Variants in OR1J2 observed in about 807,000 individuals in gnomAD.
The protein encoded by OR1J2 is olfactory receptor 1J2.
For synonymous variants in OR1J2, 142 were observed against 99.7 expected (o/e 1.42, Z -2.52); for missense variants, 304 against 246.1 (o/e 1.24, Z -1.57).
upstream of OR1J2, among the ~76,000 whole-genome samples, chr9:122,506,510 T>C (rs911866843): frequency 6.6e-6 from 1 of 152,154 alleles, no homozygotes; most frequent in African/African-American, 2.4e-5. Context: ...GTCTGAGAAA[T>C]GTCTAGAATC....
At chr9:122,463,699 C>T in the OR1J2 span, among the ~76,000 whole-genome samples, 1 of 152,266 alleles carries the variant, frequency 6.6e-6, no homozygotes, top group Non-Finnish European at 1.5e-5. Flanking sequence ...TGTTTCTCTT[C>T]TCAATCTAGC....
chr9:122,526,687 T>C, the OR1J2 span: 6 of 1,614,138 alleles, frequency 3.7e-6, no homozygotes, highest in South Asian at 6.6e-5. Flanking sequence ...ATGAGTACGG[T>C]GCCTCCCAAG....
downstream of OR1J2, among the ~76,000 whole-genome samples, chr9:122,512,178 C>G (rs187131113): frequency 6.6e-6 from 1 of 152,280 alleles, no homozygotes; most frequent in East Asian, 1.9e-4. Flanking sequence ...ATACCAGTCT[C>G]CTTGGAAATA....
chr9:122,539,356 C>A, the OR1J2 span, among the ~76,000 whole-genome samples: 1 of 151,980 alleles, frequency 6.6e-6, no homozygotes, highest in Non-Finnish European at 1.5e-5. Context: ...TGAGTGAGAA[C>A]ATGCGGTGTT....
chr9:122,501,126 G>T, the OR1J2 span, among the ~76,000 whole-genome samples: 1 of 152,178 alleles, frequency 6.6e-6, no homozygotes, highest in Admixed American at 6.5e-5. Context: ...ATATTTTGCT[G>T]TTGGGATTAG....
At chr9:122,553,420 CA>C in the OR1J2 span, 1 of 1,614,150 alleles carries the variant, frequency 6.2e-7, no homozygotes, top group South Asian at 1.1e-5. Context: ...GCCAACCTGT[CA>C]TTAACTGATG....
the OR1J2 span, chr9:122,527,410 T>C: frequency 3.2e-6 from 2 of 628,754 alleles, no homozygotes; most frequent in Non-Finnish European, 5.6e-6. Flanking sequence ...ATCCTGACTT[T>C]ATCTTCATTC....
chr9:122,447,445 T>C, the OR1J2 span: 1 of 152,244 alleles, frequency 6.6e-6, no homozygotes, highest in East Asian at 1.9e-4. Context: ...TTACTGGGCA[T>C]GGAGTCATCT....
chr9:122,473,746 A>G, the OR1J2 span, among the ~76,000 whole-genome samples: 26 of 152,300 alleles, frequency 1.7e-4, no homozygotes, highest in African/African-American at 6.3e-4. Flanking sequence ...ATGAGTTACC[A>G]GGTGGGCATG....
chr9:122,471,117 G>C, the OR1J2 span, among the ~76,000 whole-genome samples: 1 of 151,908 alleles, frequency 6.6e-6, no homozygotes, highest in African/African-American at 2.4e-5. Context: ...ATGAGATTTG[G>C]AGGGGCCAGG....
chr9:122,571,998 T>C, the OR1J2 span, among the ~76,000 whole-genome samples: 1 of 152,188 alleles, frequency 6.6e-6, no homozygotes, highest in Admixed American at 6.5e-5. Flanking sequence ...TTTCTGATTC[T>C]GGGGAGGCCT....
chr9:122,470,546 C>T, the OR1J2 span, among the ~76,000 whole-genome samples: 9 of 152,274 alleles, frequency 5.9e-5, no homozygotes, highest in Middle Eastern at 3.4e-3. Context: ...ACACAGAGTC[C>T]CTACTGGGGC....
Position 122,511,709 on chromosome 9 carries a change from A to G in OR1J2, c.908A>G (p.Lys303Arg), listed in dbSNP as rs1828641527. ...AGGGACATGAAAGAGGCCCTTGGGA[A>G]ACTCTTCAGTAGAGCAACATTTTTC... Reference protein sequence around the residue: ...RNRDMKEALGKLFSRATFFSW With the variant: ...RNRDMKEALGRLFSRATFFSW Residue 303 changes from lysine to arginine, a missense_variant, in exon 1 of 1, where the codon AAA becomes AGA. Coordinates refer to ENST00000335302, the MANE Select transcript of OR1J2 (RefSeq NM_054107.1). 1 of 780,898 alleles carries G rather than the reference A, an allele frequency of 1.3e-6. No homozygotes were observed. The highest frequency in any genetic ancestry group is 1.7e-5 in the African/African-American group (1 of 59,124). 48.4% of individuals were successfully genotyped at this position (780,898 alleles called of 1,614,324 possible).
chr9:122,470,085 A>G, the OR1J2 span, among the ~76,000 whole-genome samples: 2 of 152,218 alleles, frequency 1.3e-5, no homozygotes, highest in East Asian at 3.8e-4. Context: ...TACTTGCATA[A>G]ATAATGAGGA....
chr9:122,536,919 T>C, the OR1J2 span, among the ~76,000 whole-genome samples: 1 of 152,236 alleles, frequency 6.6e-6, no homozygotes, highest in Non-Finnish European at 1.5e-5. Context: ...CTGATCTATA[T>C]GTCTATTTTT....
chr9:122,487,454 G>A, the OR1J2 span, among the ~76,000 whole-genome samples: 1 of 103,074 alleles, frequency 9.7e-6, no homozygotes, highest in Non-Finnish European at 1.8e-5. Flanking sequence ...TGGAGGAGAT[G>A]ATTAACACAC....
chr9:122,504,915 C>A, the OR1J2 span, among the ~76,000 whole-genome samples: 1 of 152,102 alleles, frequency 6.6e-6, no homozygotes, highest in African/African-American at 2.4e-5. Context: ...GTGTCCTTCC[C>A]AGAGCATCCA....
the OR1J2 span, among the ~76,000 whole-genome samples, chr9:122,457,956 C>G: frequency 2.0e-5 from 3 of 152,156 alleles, no homozygotes; most frequent in Admixed American, 1.3e-4. Context: ...ATACTTAAGA[C>G]TGTACAATAG....
At chr9:122,513,892 C>T (rs1469575699), downstream of OR1J2, among the ~76,000 whole-genome samples, 1 of 152,080 alleles carries the variant, frequency 6.6e-6, no homozygotes, top group South Asian at 2.1e-4. Context: ...ATTAAAGTAG[C>T]CTTGATCCGA....
Sources: allele counts gnomAD v4.1 joint callset (sites outside exome capture counted in the v4.1 genomes callset), GRCh38; gene constraint gnomAD v4.1.1; transcripts MANE v1.5; gene names NCBI Gene and HGNC (gene_info 2026-07-23, HGNC 2026-07-21).